The following TMEM217 variants were observed in gnomAD, a reference collection of about 807,000 sequenced individuals.
TMEM217 encodes the protein transmembrane protein 217, also known as chromosome 6 open reading frame 128.
For synonymous variants in TMEM217, 76 were observed against 88.3 expected, an observed-to-expected ratio of 0.86 and a Z score of 0.78; for missense variants, 204 against 248.8, an observed-to-expected ratio of 0.82 and a Z score of 1.21.
chr6:37,245,436 C>A (rs1765002808), intron 1 of TMEM217, among the ~76,000 whole-genome samples: 1 of 152,270 alleles, frequency 6.6e-6, no homozygotes, highest in Non-Finnish European at 1.5e-5. Flanking sequence ...TGCTTCTTTG[C>A]ATCACAAACT....
chr6:37,230,037 A>G (rs754948158), intron 1 of TMEM217, among the ~76,000 whole-genome samples: 15 of 152,234 alleles, frequency 9.9e-5, no homozygotes, highest in Non-Finnish European at 1.5e-4. Context: ...TAGAACAAAG[A>G]TCCCTACTTC....
At chr6:37,220,948 T>C (rs1250784372) in intron 1 of TMEM217, among the ~76,000 whole-genome samples, 1 of 152,088 alleles carries the variant, frequency 6.6e-6, no homozygotes, top group African/African-American at 2.4e-5. Context: ...CAGATATATA[T>C]AATATATATA....
chr6:37,234,338 G>T (rs886392593), intron 1 of TMEM217, among the ~76,000 whole-genome samples: 2 of 152,278 alleles, frequency 1.3e-5, no homozygotes, highest in African/African-American at 4.8e-5. Context: ...GACCTCAGAT[G>T]ATCCTCCTGC....
At position 37,231,563 on chromosome 6, in the gene TMEM217, T is replaced by C. The variant is rs547051288; in HGVS notation, c.-11-12522A>G. On this transcript the variant is annotated intron_variant, in intron 1 of 1. Transcript: ENST00000357219. ...TGGCGTGCACCTGTAGTCCCAGCTA[T>C]TCGGGAGGCTGAGGCAGGAGAATGG... 2.0e-4 allele frequency among the ~76,000 whole-genome samples: 30 copies of C among 149,292 alleles called. 1 individual carries two copies. Among genetic ancestry groups the C allele is most frequent in the South Asian group, 1.1e-3 (5 of 4,694 alleles).
At chr6:37,226,104 A>T (rs1164984909) in intron 1 of TMEM217, among the ~76,000 whole-genome samples, 1 of 151,774 alleles carries the variant, frequency 6.6e-6, no homozygotes, top group Non-Finnish European at 1.5e-5. Flanking sequence ...GGGATCTAGC[A>T]CCTCCTTTGA....
chr6:37,255,149 G>A (rs374996529), intron 1 of TMEM217, among the ~76,000 whole-genome samples: 2 of 152,166 alleles, frequency 1.3e-5, no homozygotes, highest in African/African-American at 4.8e-5. Context: ...CAACAAACAA[G>A]TACATAATAT....
intron 1 of TMEM217, among the ~76,000 whole-genome samples, chr6:37,240,791 TG>T (rs745402924): frequency 2.6e-5 from 4 of 152,258 alleles, no homozygotes; most frequent in Non-Finnish European, 4.4e-5. Flanking sequence ...ATCAAATGGT[TG>T]TTACTAATTC....
intron 1 of TMEM217, among the ~76,000 whole-genome samples, chr6:37,250,440 T>C (rs1765336853): frequency 6.6e-6 from 1 of 152,250 alleles, no homozygotes; most frequent in Non-Finnish European, 1.5e-5. Flanking sequence ...ATGAAAAAAT[T>C]CTACTATAGG....
intron 1 of TMEM217, among the ~76,000 whole-genome samples, chr6:37,241,001 C>T (rs902128655): frequency 1.2e-4 from 18 of 151,952 alleles, no homozygotes; most frequent in Admixed American, 2.0e-4. Context: ...GTTTTACTGA[C>T]CTTTTTGCAA....
intron 1 of TMEM217, among the ~76,000 whole-genome samples, chr6:37,231,402 C>T (rs1449788126): frequency 2.0e-5 from 3 of 149,864 alleles, no homozygotes; most frequent in Non-Finnish European, 3.0e-5. Flanking sequence ...AGGCTGGGCG[C>T]GGTGGCTCAT....
At chr6:37,256,891 C>T (rs997725175) in intron 1 of TMEM217, among the ~76,000 whole-genome samples, 1 of 152,098 alleles carries the variant, frequency 6.6e-6, no homozygotes, top group Non-Finnish European at 1.5e-5. Flanking sequence ...AAAACGCTGA[C>T]AAGACATTCA....
chr6:37,249,044 T>C (rs1320599466), intron 1 of TMEM217, among the ~76,000 whole-genome samples: 1 of 152,166 alleles, frequency 6.6e-6, no homozygotes, highest in East Asian at 1.9e-4. Context: ...TCTGTCTGTA[T>C]CTTCTCTCAT....
At chr6:37,233,844 C>G (rs1457408341) in intron 1 of TMEM217, among the ~76,000 whole-genome samples, 1 of 152,104 alleles carries the variant, frequency 6.6e-6, no homozygotes, top group Non-Finnish European at 1.5e-5. Context: ...TAAATTTTTT[C>G]CACTTTACAA....
At chr6:37,255,971 A>T (rs1765703233) in intron 1 of TMEM217, among the ~76,000 whole-genome samples, 1 of 152,256 alleles carries the variant, frequency 6.6e-6, no homozygotes, top group Non-Finnish European at 1.5e-5. Flanking sequence ...GAGCACTGTT[A>T]ACTACACCCC....
chr6:37,218,842 C>G (rs1344600262), exon 2 of TMEM217: 2 of 1,614,042 alleles, frequency 1.2e-6, no homozygotes, highest in Non-Finnish European at 1.7e-6. Context: ...TTTTAAAACT[C>G]CAGCAGATGA....
Position 37,232,117 on chromosome 6 carries a change from GT to G in TMEM217, c.-11-13077del, listed in dbSNP as rs1338460434. ...GTCTTTTGTTGGGGGGGAGAGAGGG[GT>G]GAAATGGAATTTATTCTTAAATCTG... On this transcript the variant is annotated intron_variant, in intron 1 of 1. Coordinates refer to ENST00000357219, the Ensembl canonical transcript of TMEM217. Among the ~76,000 whole-genome samples the G allele has an allele frequency of 3.3e-5, 5 of 152,120 alleles. No individual in the cohort carries two copies. In the East Asian group the frequency reaches 9.6e-4, roughly 29 times the overall value.
exon 2 of TMEM217, chr6:37,217,742 T>A: frequency 1.0e-6 from 1 of 985,440 alleles, no homozygotes; most frequent in Non-Finnish European, 1.2e-6. Flanking sequence ...ACAGTATCCT[T>A]TGTGCTGCAA....
intron 1 of TMEM217, among the ~76,000 whole-genome samples, chr6:37,244,929 T>C (rs1764973132): frequency 6.6e-6 from 1 of 152,180 alleles, no homozygotes; most frequent in South Asian, 2.1e-4. Flanking sequence ...TCAGCTGGGA[T>C]AACTTAGGGA....
At chr6:37,222,088 C>T (rs990395433) in intron 1 of TMEM217, among the ~76,000 whole-genome samples, 5 of 152,236 alleles carry the variant, frequency 3.3e-5, no homozygotes, top group African/African-American at 4.8e-5. Flanking sequence ...TCTAGCCATC[C>T]TCTGCCCTGC....
Sources: allele counts gnomAD v4.1 joint callset (sites outside exome capture counted in the v4.1 genomes callset), GRCh38; gene constraint gnomAD v4.1.1; transcripts MANE v1.5; gene names NCBI Gene and HGNC (gene_info 2026-07-23, HGNC 2026-07-21).